The following TMEM135 variants were observed in gnomAD, a reference collection of about 807,000 sequenced individuals.
TMEM135 encodes transmembrane protein 135.
Under a neutral mutation model 60.3 loss-of-function variants are expected in TMEM135, and 30 were observed. The ratio of observed to expected loss-of-function variants is 0.50; its 90% CI spans 0.37 to 0.68. The LOEUF (loss-of-function observed/expected upper bound fraction) is 0.68, where lower values mean the gene tolerates loss of function less well. TMEM135 is among the 30% of genes least tolerant of loss of function. TMEM135 has a pLI of 0.00. For missense variants in TMEM135, 468 were observed against 548.8 expected, an observed-to-expected ratio of 0.85 and a Z score of 1.47; for synonymous variants, 190 against 186.7, an observed-to-expected ratio of 1.02 and a Z score of -0.14.
At chr11:87,054,873 G>C (rs1023551250) in intron 1 of TMEM135, among the ~76,000 whole-genome samples, 1 of 152,086 alleles carries the variant, frequency 6.6e-6, no homozygotes, top group African/African-American at 2.4e-5. Flanking sequence ...CCAAATTTCT[G>C]TGTGCCCCTG....
Position 87,326,825 on chromosome 11 carries a change from G to C in TMEM135, c.*5492G>C, listed in dbSNP as rs1244200734. 4.4e-6 allele frequency: 2 copies of C among 449,616 alleles called. No individual in the cohort carries two copies. Among genetic ancestry groups the C allele is most frequent in the East Asian group, 1.4e-4 (2 of 14,360 alleles). The allele number at this position is 449,616 out of a possible 1,614,324, so 27.9% of individuals were successfully genotyped here. On this transcript the variant is annotated 3_prime_UTR_variant, in exon 15 of 15. Coordinates refer to ENST00000305494, the MANE Select transcript of TMEM135 (RefSeq NM_022918.4). ...GTTTTTGATAGCCTGTCACTGCTCA[G>C]GGATAGCACTAAGGCTCTCTTCAGA...
chr11:87,152,085 A>G (rs924350016), intron 4 of TMEM135, among the ~76,000 whole-genome samples: 10 of 152,122 alleles, frequency 6.6e-5, no homozygotes, highest in Non-Finnish European at 1.0e-4. Flanking sequence ...GTGCCTTTCT[A>G]TTGATGCTCC....
intron 4 of TMEM135, among the ~76,000 whole-genome samples, chr11:87,115,430 ATCAGAGC>A (rs1857855685): frequency 6.6e-6 from 1 of 152,156 alleles, no homozygotes; most frequent in Non-Finnish European, 1.5e-5. Context: ...TTTATTTGGC[ATCAGAGC>A]TATGATTTCC....
intron 5 of TMEM135, among the ~76,000 whole-genome samples, chr11:87,186,390 T>C (rs1565478658): frequency 6.6e-6 from 1 of 152,212 alleles, no homozygotes; most frequent in South Asian, 2.1e-4. Context: ...CTGTTGTTAC[T>C]TCACAAAAGG....
chr11:87,165,897 A>G (rs1022368908), intron 5 of TMEM135, among the ~76,000 whole-genome samples: 1 of 150,876 alleles, frequency 6.6e-6, no homozygotes, highest in South Asian at 2.1e-4. Context: ...ATAAAAAATG[A>G]TAAAGGGGAT....
At chr11:87,251,128 A>G (rs1009913667) in intron 6 of TMEM135, among the ~76,000 whole-genome samples, 6 of 152,202 alleles carry the variant, frequency 3.9e-5, no homozygotes, top group Non-Finnish European at 8.8e-5. Flanking sequence ...ACATTCAGCT[A>G]GAGAAATAAT....
intron 6 of TMEM135, among the ~76,000 whole-genome samples, chr11:87,252,794 A>ATG (rs1212175967): frequency 3.4e-5 from 3 of 89,520 alleles, no homozygotes; most frequent in Non-Finnish European, 5.0e-5. Context: ...AAATTAAAAT[A>ATG]TATATGTGTG....
chr11:87,067,766 G>C lies in TMEM135; in HGVS notation c.214G>C (p.Ala72Pro). 1 of 1,613,802 alleles carries C rather than the reference G, an allele frequency of 6.2e-7. No homozygotes were observed. Among genetic ancestry groups the C allele is most frequent in the Non-Finnish European group, 8.5e-7 (1 of 1,179,914 alleles). Residue 72 changes from alanine to proline, a missense_variant, in exon 2 of 15, where the codon GCT (alanine) becomes CCT (proline). Physicochemically the swap from Ala to Pro is conservative, Grantham distance 27. Coordinates refer to ENST00000305494, the MANE Select transcript of TMEM135 (RefSeq NM_022918.4). ...ACTACTCCCTGAGATCCTACAATCC[G>C]CTTCATTTCTAACTGCTAATGGGGC... ...HKLLPEILQS[A>P]SFLTANGALY...
chr11:87,276,537 C>G (rs1013796146), intron 6 of TMEM135, among the ~76,000 whole-genome samples: 3 of 150,632 alleles, frequency 2.0e-5, no homozygotes, highest in Non-Finnish European at 4.4e-5. Flanking sequence ...CACATATATA[C>G]TTAAGTTTAT....
chr11:87,150,304 C>A (rs1337243985), intron 4 of TMEM135, among the ~76,000 whole-genome samples: 1 of 151,320 alleles, frequency 6.6e-6, no homozygotes, highest in Non-Finnish European at 1.5e-5. Context: ...CTGCTTCTAA[C>A]ACATGAATTC....
intron 3 of TMEM135, among the ~76,000 whole-genome samples, chr11:87,086,313 G>T (rs1306091796): frequency 1.3e-5 from 2 of 151,902 alleles, no homozygotes; most frequent in Non-Finnish European, 2.9e-5. Flanking sequence ...GATGCCCCCT[G>T]CCCTGCACCC....
chr11:87,209,292 T>C (rs1369343576), intron 5 of TMEM135, among the ~76,000 whole-genome samples: 1 of 152,150 alleles, frequency 6.6e-6, no homozygotes, highest in African/African-American at 2.4e-5. Flanking sequence ...CCTGTCTACT[T>C]TCTTCAAGAG....
chr11:87,326,732 A>AATTGAAGG lies in TMEM135; in HGVS notation c.*5400_*5407dup, dbSNP rs1942917756. On this transcript the variant is annotated 3_prime_UTR_variant, in exon 15 of 15. Transcript: ENST00000305494. The stretch of plus-strand genomic sequence containing the variant: ...TTATTTTTCTATTTATTTCAGGGAA[A>AATTGAAGG]ATTGAAGGTAAATAATATCTGCAAA... The AATTGAAGG allele has an allele frequency of 2.2e-6, 1 of 446,906 alleles. No homozygotes were observed. The highest frequency in any genetic ancestry group is 4.4e-6 in the Non-Finnish European group (1 of 225,186). 27.7% of individuals were successfully genotyped at this position (446,906 alleles called of 1,614,324 possible).
intron 5 of TMEM135, among the ~76,000 whole-genome samples, chr11:87,191,990 T>TTC (rs1460521505): frequency 1.3e-4 from 17 of 128,244 alleles, no homozygotes; most frequent in South Asian, 1.1e-3. Flanking sequence ...TTCTTTTCTT[T>TTC]TTTTTTTTTT....
At chr11:87,196,033 C>A (rs763412995) in intron 5 of TMEM135, among the ~76,000 whole-genome samples, 1 of 151,138 alleles carries the variant, frequency 6.6e-6, no homozygotes, top group Admixed American at 6.6e-5. Context: ...AGTATCTGTG[C>A]GAGACTATTT....
At chr11:87,301,137 A>G (rs888408462) in intron 7 of TMEM135, among the ~76,000 whole-genome samples, 2 of 152,202 alleles carry the variant, frequency 1.3e-5, no homozygotes, top group Non-Finnish European at 2.9e-5. Context: ...ATGATTTGAT[A>G]AGCTAGATGT....
At chr11:87,171,215 C>T (rs1373222980) in intron 5 of TMEM135, among the ~76,000 whole-genome samples, 1 of 152,086 alleles carries the variant, frequency 6.6e-6, no homozygotes, top group Non-Finnish European at 1.5e-5. Flanking sequence ...TGTTGAATGC[C>T]TTTATATGCC....
At chr11:87,062,416 A>ACC (rs1207147759) in intron 1 of TMEM135, among the ~76,000 whole-genome samples, 2 of 618 alleles carry the variant, frequency 3.2e-3, no homozygotes, top group Non-Finnish European at 4.3e-3. Flanking sequence ...TTTCCCCCCA[A>ACC]GCCCCCCCCC....
intron 4 of TMEM135, among the ~76,000 whole-genome samples, chr11:87,096,856 A>G (rs1368559289): frequency 1.3e-5 from 2 of 152,068 alleles, no homozygotes; most frequent in East Asian, 3.9e-4. Context: ...TTTTAAATTT[A>G]TTTCTTTTTC....
Sources: allele counts gnomAD v4.1 joint callset (sites outside exome capture counted in the v4.1 genomes callset), GRCh38; gene constraint gnomAD v4.1.1; transcripts MANE v1.5; gene names NCBI Gene and HGNC (gene_info 2026-07-23, HGNC 2026-07-21).